The following GABBR1 variants were observed in gnomAD, a reference collection of about 807,000 sequenced individuals.
The protein encoded by GABBR1 is gamma-aminobutyric acid type B receptor subunit 1, also known as GABA-B receptor, R1 subunit.
Under a neutral mutation model 117.7 loss-of-function variants are expected in GABBR1, and 35 were observed. That is an observed-to-expected ratio of 0.30 (90% CI 0.23 to 0.39). The LOEUF is 0.39. Ranked by LOEUF, GABBR1 falls within the 10% of genes least tolerant of loss-of-function variation. The probability of loss-of-function intolerance (pLI) is 1.00; values close to 1 mark genes in which losing one functional copy is unlikely to be tolerated. For missense variants in GABBR1, 709 were observed against 1,241.8 expected (o/e 0.57, Z 6.45); for synonymous variants, 442 against 486.6 (o/e 0.91, Z 1.21).
chr6:29,626,008 C>T, intron 6 of GABBR1, among the ~76,000 whole-genome samples: 1 of 152,136 alleles, frequency 6.6e-6, no homozygotes, highest in South Asian at 2.1e-4. Context: ...AGGAATCCAC[C>T]AAGATAGGAT....
At chr6:29,625,775 T>C (rs1764211277) in intron 6 of GABBR1, among the ~76,000 whole-genome samples, 1 of 152,096 alleles carries the variant, frequency 6.6e-6, no homozygotes, top group African/African-American at 2.4e-5. Context: ...AGGCCTCCCC[T>C]ATCTCCTGTG....
At chr6:29,625,429 C>G (rs17178028) in intron 6 of GABBR1, among the ~76,000 whole-genome samples, 8,001 of 152,218 alleles carry the variant, frequency 0.053, 272 homozygotes, top group South Asian at 0.14. Context: ...GCATGCCCCC[C>G]ATTTTGTTTC....
chr6:29,631,650 A>G lies in GABBR1; in HGVS notation c.86-51T>C, dbSNP rs770165347. 1.5e-5 allele frequency: 23 copies of G among 1,545,880 alleles called. No individual in the cohort carries two copies. Among genetic ancestry groups the G allele is most frequent in the Non-Finnish European group, 2.0e-5 (22 of 1,118,810 alleles). On this transcript the variant is annotated intron_variant, in intron 2 of 22. Transcript: ENST00000377034. The surrounding 1 kb of genome is among the most constrained non-coding windows in gnomAD (Gnocchi z 5.9). The stretch of plus-strand genomic sequence containing the variant: ...CAGAGAGGAATGGTGGGAAAGAGGA[A>G]AAGGCAGGCTCCCCAGTGGGAGGAA...
Position 29,607,268 on chromosome 6 carries a change from G to C in GABBR1, c.1993-50C>G, listed in dbSNP as rs371526510. The C allele has an allele frequency of 1.0e-5, 15 of 1,453,226 alleles. No individual in the cohort carries two copies. The highest frequency in any genetic ancestry group is 1.4e-5 in the Non-Finnish European group (15 of 1,036,474). 90.0% of individuals were successfully genotyped at this position (1,453,226 alleles called of 1,614,324 possible). ...CAGAACAGGGTAGAGTAGTAGCCGG[G>C]ACTGCAGTAAGGATGGGCAGAACCC... On this transcript the variant is annotated intron_variant, in intron 16 of 22. Coordinates refer to ENST00000377034, the MANE Select transcript of GABBR1 (RefSeq NM_001470.4). The surrounding 1 kb of genome is among the most constrained non-coding windows in gnomAD (Gnocchi z 5.0).
In GABBR1 at chr6:29,622,254, G is replaced by A. The variant is rs539471734; in HGVS notation, c.964-49C>T. 50 of 1,255,546 alleles carry A rather than the reference G, an allele frequency of 4.0e-5. No individual in the cohort carries two copies. The highest frequency in any genetic ancestry group is 5.9e-5 in the African/African-American group (4 of 68,066). The allele number at this position is 1,255,546 out of a possible 1,614,324, so 77.8% of individuals were successfully genotyped here. ...TTGGAAAAACACGGGGTGCATGAGGGAATAAAGACCAGAGAGGTTAACTGG... is the reference window on the plus strand; with the variant it reads ...TTGGAAAAACACGGGGTGCATGAGGAAATAAAGACCAGAGAGGTTAACTGG... On this transcript the variant is annotated intron_variant, in intron 8 of 22. Coordinates refer to ENST00000377034, the MANE Select transcript of GABBR1 (RefSeq NM_001470.4). The surrounding 1 kb of genome is among the most constrained non-coding windows in gnomAD (Gnocchi z 4.6).
Position 29,611,232 on chromosome 6 carries a change from T to G in GABBR1, c.1631-231A>C, listed in dbSNP as rs1762507959. On this transcript the variant is annotated intron_variant, in intron 13 of 22. Transcript: ENST00000377034. The surrounding 1 kb of genome is among the most constrained non-coding windows in gnomAD (Gnocchi z 4.6). ...TCAAATAAATAAGAATATCTATGTT[T>G]AAAAGTCTTCAGTGAGGAGGCTCCA... The G allele has an allele frequency of 2.1e-6, 1 of 469,002 alleles. No individual in the cohort carries two copies. 29.1% of individuals were successfully genotyped at this position (469,002 alleles called of 1,614,324 possible). A position where few individuals can be genotyped will look rare whatever the true frequency, so the allele number is the denominator to read the frequency against.
Position 29,630,148 on chromosome 6 carries a change from TA to T in GABBR1, c.475+309del. The T allele has an allele frequency of 8.8e-6, 3 of 342,530 alleles. No homozygotes were observed. The highest frequency in any genetic ancestry group is 1.6e-5 in the Non-Finnish European group (3 of 189,380). The allele number at this position is 342,530 out of a possible 1,614,324, so 21.2% of individuals were successfully genotyped here. Reference sequence around the variant, plus strand: ...TAGAGAAAGGGAAAATTGGAGTATTTAAACCTGAAGAAGGTGAGAGAGGTGA... The same window carrying T: ...TAGAGAAAGGGAAAATTGGAGTATTTAACCTGAAGAAGGTGAGAGAGGTGA... On this transcript the variant is annotated intron_variant, in intron 4 of 22. Transcript: ENST00000377034. The surrounding 1 kb of genome is among the most constrained non-coding windows in gnomAD (Gnocchi z 4.9).
At position 29,607,357 on chromosome 6, in the gene GABBR1, T is replaced by C; in HGVS notation, c.1993-139A>G. ...TGGTGGCACAGGGAGGATGCGAAAA[T>C]GTGAGCAGGACGGGGAGCGGCAGGA... is the stretch of plus-strand genomic sequence containing the variant. On this transcript the variant is annotated intron_variant, in intron 16 of 22. Transcript: ENST00000377034. The surrounding 1 kb of genome is among the most constrained non-coding windows in gnomAD (Gnocchi z 5.0). 1 of 688,658 alleles carries C rather than the reference T, an allele frequency of 1.5e-6. No homozygotes were observed. Among genetic ancestry groups the C allele is most frequent in the Non-Finnish European group, 2.6e-6 (1 of 389,100 alleles). The allele number at this position is 688,658 out of a possible 1,614,324, so 42.7% of individuals were successfully genotyped here.
rs1317514218 is a variant in GABBR1, at chr6:29,604,996, G to A, written c.2440-8C>T. Reference sequence around the variant, plus strand: ...AGTGATGAGGCACAGGACCTAGAGGGAAAGACACATTGAGGGAGTCTCAGG... The same window carrying A: ...AGTGATGAGGCACAGGACCTAGAGGAAAAGACACATTGAGGGAGTCTCAGG... On this transcript the variant is annotated splice_polypyrimidine_tract_variant and splice_region_variant and intron_variant, in intron 20 of 22. Transcript: ENST00000377034. This position sits in a 1 kb window ranked among gnomAD's most constrained non-coding sequence, Gnocchi z 5.3. 4 of 1,606,264 alleles carry A rather than the reference G, an allele frequency of 2.5e-6. No homozygotes were observed. Among genetic ancestry groups the A allele is most frequent in the Non-Finnish European group, 3.4e-6 (4 of 1,177,136 alleles).
At position 29,605,427 on chromosome 6, in the gene GABBR1, G is replaced by T; in HGVS notation, c.2439+142C>A. Reference sequence around the variant, plus strand: ...TAGTGAGCTTTGTAAACTGTAAAGTGCTTTATAGACCTGAAGAATTAACAA... The same window carrying T: ...TAGTGAGCTTTGTAAACTGTAAAGTTCTTTATAGACCTGAAGAATTAACAA... On this transcript the variant is annotated intron_variant, in intron 20 of 22. Coordinates refer to ENST00000377034, the MANE Select transcript of GABBR1 (RefSeq NM_001470.4). The surrounding 1 kb of genome is among the most constrained non-coding windows in gnomAD (Gnocchi z 4.2). 1.1e-6 allele frequency: 1 copy of T among 941,370 alleles called. No homozygotes were observed. 58.3% of individuals were successfully genotyped at this position (941,370 alleles called of 1,614,324 possible).
In GABBR1 at chr6:29,604,705, T is replaced by C. The variant is rs917107765; in HGVS notation, c.2569-68A>G. ...GTACTAGTGACTGGCTGATGGAAGG[T>C]TGGAGGTGGAAGGAATGCTGATAAG... is the stretch of plus-strand genomic sequence containing the variant. On this transcript the variant is annotated intron_variant, in intron 21 of 22. Coordinates refer to ENST00000377034, the MANE Select transcript of GABBR1 (RefSeq NM_001470.4). The surrounding 1 kb of genome is among the most constrained non-coding windows in gnomAD (Gnocchi z 5.3). The C allele has an allele frequency of 2.5e-6, 4 of 1,606,168 alleles. No homozygotes were observed. In the African/African-American group the frequency reaches 5.4e-5, roughly 22 times the overall value.
At position 29,611,536 on chromosome 6, in the gene GABBR1, A is replaced by G. The variant is rs3025633; in HGVS notation, c.1631-535T>C. ...CTGTTCTAGAACTGTTTCCGTTACCATAACTTTTCCTTCAAAAGCCAACTC... is the reference window on the plus strand; with the variant it reads ...CTGTTCTAGAACTGTTTCCGTTACCGTAACTTTTCCTTCAAAAGCCAACTC... On this transcript the variant is annotated intron_variant, in intron 13 of 22. Transcript: ENST00000377034. This position sits in a 1 kb window ranked among gnomAD's most constrained non-coding sequence, Gnocchi z 4.6. 6.6e-6 allele frequency among the ~76,000 whole-genome samples: 1 copy of G among 152,228 alleles called. No homozygotes were observed. The highest frequency in any genetic ancestry group is 6.5e-5 in the Admixed American group (1 of 15,292).
rs186263204 is a variant in GABBR1 at position 29,613,405 on chromosome 6, C to T, written c.1404G>A (p.Pro468=). The T allele has an allele frequency of 2.0e-4, 323 of 1,613,112 alleles. 1 individual carries two copies. In the Admixed American group the frequency reaches 3.7e-3, roughly 19 times the overall value. ...AGGCCCAGATGGCATCATAGGCCAG[C>T]GGTGCCTCCTGGAAGCCTCCTGTCT... ...PEETGGFQEA[P]LAYDAIWALA... is the part of the protein sequence containing the mutation. The change falls in exon 12 of 23, where the codon CCG becomes CCA. Residue 468 remains proline (P), a synonymous_variant. Coordinates refer to ENST00000377034, the MANE Select transcript of GABBR1 (RefSeq NM_001470.4). The surrounding 1 kb of genome is among the most constrained non-coding windows in gnomAD (Gnocchi z 4.1).
chr6:29,605,600 C>G lies in GABBR1; in HGVS notation c.2408G>C (p.Arg803Pro), dbSNP rs1446747946. Reference sequence around the variant, plus strand: ...ATTGTAGATAGCCATGCCCACAGCCCGGTGATCATTGATCTTCTCAGTGGA... The same window carrying G: ...ATTGTAGATAGCCATGCCCACAGCCGGGTGATCATTGATCTTCTCAGTGGA... ...SVSTEKINDH[R>P]AVGMAIYNVA... The change falls in exon 20 of 23, where the codon CGG becomes CCG. Residue 803 changes from arginine (R) to proline (P), a missense_variant. Coordinates refer to ENST00000377034, the MANE Select transcript of GABBR1 (RefSeq NM_001470.4). The surrounding 1 kb of genome is among the most constrained non-coding windows in gnomAD (Gnocchi z 4.2). The G allele has an allele frequency of 2.5e-6, 4 of 1,613,082 alleles. No individual in the cohort carries two copies. Among genetic ancestry groups the G allele is most frequent in the Non-Finnish European group, 3.4e-6 (4 of 1,180,016 alleles).
rs1199425455 is a variant in GABBR1 at position 29,632,443 on chromosome 6, G to A, written c.1-58C>T. ...AGCCCCGCCGGCGCGGCCCGCACCC[G>A]GAGACTACTCGACCTCTTGCCGGTT... On this transcript the variant is annotated intron_variant, in intron 1 of 22. Transcript: ENST00000377034. This position sits in a 1 kb window ranked among gnomAD's most constrained non-coding sequence, Gnocchi z 5.8. The A allele has an allele frequency of 1.6e-6, 2 of 1,265,202 alleles. No individual in the cohort carries two copies. The highest frequency in any genetic ancestry group is 3.2e-5 in the African/African-American group (2 of 63,338). The allele number at this position is 1,265,202 out of a possible 1,614,324, so 78.4% of individuals were successfully genotyped here.
chr6:29,623,273 G>A lies in GABBR1; in HGVS notation c.963+32C>T. ...TCCTGGTGCTGGAATTTGAGCTTAT[G>A]TCCCTTTACCCCTTGCCCAACCCCT... On this transcript the variant is annotated intron_variant, in intron 8 of 22. Transcript: ENST00000377034. The surrounding 1 kb of genome is among the most constrained non-coding windows in gnomAD (Gnocchi z 6.2). 1 of 1,577,940 alleles carries A rather than the reference G, an allele frequency of 6.3e-7. No homozygotes were observed. The highest frequency in any genetic ancestry group is 1.3e-5 in the African/African-American group (1 of 74,360).
rs1477474351 is a variant in GABBR1, at chr6:29,603,602, G to A, written c.2827C>T (p.Pro943Ser). ...CAGCTAAGCCGGTCGGGGGGCTCAG[G>A]GGGTCCCCTGGGCAGGCCCCCAGAG... ...EPSGGLPRGP[P>S]EPPDRLSCDG... Residue 943 changes from proline (P) to serine (S), a missense_variant, in exon 23 of 23, where the codon CCT becomes TCT. This residue lies in a region of GABBR1 where 69 missense variants were observed against 64.3 expected (regional missense o/e 1.07). Coordinates refer to ENST00000377034, the MANE Select transcript of GABBR1 (RefSeq NM_001470.4). 1.3e-6 allele frequency: 2 copies of A among 1,583,436 alleles called. No homozygotes were observed. The highest frequency in any genetic ancestry group is 1.2e-5 in the South Asian group (1 of 85,714).
At chr6:29,625,581 G>A (rs551273745) in intron 6 of GABBR1, among the ~76,000 whole-genome samples, 2 of 152,092 alleles carry the variant, frequency 1.3e-5, no homozygotes, top group Admixed American at 6.5e-5. Context: ...CTCTTGCAAG[G>A]ATCTGGATTT....
chr6:29,628,376 A>C (rs1203527017), intron 5 of GABBR1: 4 of 153,932 alleles, frequency 2.6e-5, no homozygotes, highest in African/African-American at 9.6e-5. Context: ...TGCGAGTGGG[A>C]CGGGAGAGAA....
Sources: allele counts gnomAD v4.1 joint callset (sites outside exome capture counted in the v4.1 genomes callset), GRCh38; gene constraint gnomAD v4.1.1; regional missense constraint gnomAD v4.1.1; non-coding constraint Gnocchi (gnomAD v3.1); transcripts MANE v1.5; gene names NCBI Gene and HGNC (gene_info 2026-07-23, HGNC 2026-07-21).